The following DOP1A variants were observed in gnomAD, a reference collection of about 807,000 sequenced individuals.
DOP1A encodes the protein protein DOP1A.
DOP1A carries 90 observed loss-of-function variants against 267.6 expected under a neutral mutation model. The ratio of observed to expected loss-of-function variants is 0.34; its 90% confidence interval spans 0.28 to 0.40. The LOEUF (loss-of-function observed/expected upper bound fraction) is 0.40, where lower values mean the gene tolerates loss of function less well. Among genes scored for constraint, DOP1A ranks in the 10% least tolerant of loss-of-function variants. DOP1A has a pLI of 1.00. For missense variants in DOP1A, 2,437 were observed against 2,900.4 expected (o/e 0.84, Z 3.67); for synonymous variants, 932 against 999.1 (o/e 0.93, Z 1.27).
rs1292612604 is a variant in DOP1A at position 83,120,789 on chromosome 6, T to C, written c.1097T>C (p.Leu366Pro). The C allele has an allele frequency of 6.4e-7, 1 of 1,563,520 alleles. No homozygotes were observed. Among genetic ancestry groups the C allele is most frequent in the South Asian group, 1.2e-5 (1 of 83,748 alleles). Residue 366 changes from leucine to proline, a missense_variant and splice_region_variant, in exon 10 of 39, where the codon CTA becomes CCA. This residue lies in a region of DOP1A where 498 missense variants were observed against 513.5 expected (regional missense o/e 0.97). Coordinates refer to ENST00000349129, the MANE Select transcript of DOP1A (RefSeq NM_015018.4). ...ATCAGTTTACTGGACAAACCTGAGC[T>C]AGGTAATGTATACTGTCCTAGGGCA... ...ILISLLDKPE[L>P]GPVILEDVLI... is the part of the protein sequence containing the mutation.
At position 83,122,851 on chromosome 6, in the gene DOP1A, CTCTTT is replaced by C. The variant is rs760848239; in HGVS notation, c.1221-10_1221-6del. On this transcript the variant is annotated splice_polypyrimidine_tract_variant and splice_region_variant and intron_variant, in intron 11 of 38. Coordinates refer to ENST00000349129, the MANE Select transcript of DOP1A (RefSeq NM_015018.4). ...TATTTTTTAGTTTTTGTTTTCTTTT[CTCTTT>C]TTTCAGTAAATTAAGAGAAAATAAG... 6 of 1,442,960 alleles carry C rather than the reference CTCTTT, an allele frequency of 4.2e-6. No individual in the cohort carries two copies. The African/African-American group carries it at 7.5e-5, about 18-fold the overall frequency. 89.4% of individuals were successfully genotyped at this position (1,442,960 alleles called of 1,614,324 possible).
Position 83,167,948 on chromosome 6 carries a change from G to A in DOP1A, c.7179G>A (p.Met2393Ile). 6.2e-7 allele frequency: 1 copy of A among 1,614,160 alleles called. No individual in the cohort carries two copies. Among genetic ancestry groups the A allele is most frequent in the Non-Finnish European group, 8.5e-7 (1 of 1,180,026 alleles). The change falls in exon 39 of 39, where the codon ATG becomes ATA. Residue 2393 changes from methionine to isoleucine, a missense_variant. Around this residue, in one of 9 missense-constraint regions of DOP1A, gnomAD observed 197 missense variants for 246.5 expected, o/e 0.80. Transcript: ENST00000349129. ...LLLTICTVRS[M>I]EQLLPFFNVL... Reference sequence around the variant, plus strand: ...TCACCATCTGCACCGTGCGCAGTATGGAGCAGCTCCTGCCGTTCTTCAATG... The same window carrying A: ...TCACCATCTGCACCGTGCGCAGTATAGAGCAGCTCCTGCCGTTCTTCAATG...
rs575163219 is a variant in DOP1A at position 83,103,307 on chromosome 6, T to G, written c.320+2421T>G. Among the ~76,000 whole-genome samples the G allele has an allele frequency of 3.9e-5, 6 of 152,308 alleles. No homozygotes were observed. In the East Asian group the frequency reaches 1.2e-3, roughly 29 times the overall value. ...GCTATGAGGATGCAAAAGCATAGAA[T>G]GATACAGTGGACTTTGGGGACCCAG... On this transcript the variant is annotated intron_variant, in intron 4 of 38. Coordinates refer to ENST00000349129, the MANE Select transcript of DOP1A (RefSeq NM_015018.4).
intron 6 of DOP1A, 101 bp from the exon 7 acceptor site, chr6:83,113,222 C>A: frequency 2.6e-6 from 2 of 755,232 alleles, no homozygotes; most frequent in Non-Finnish European, 4.4e-6. Context: ...TGATTAGATC[C>A]TCAGAAGCAT....
intron 24 of DOP1A, among the ~76,000 whole-genome samples, 181 bp downstream of exon 24, chr6:83,142,227 A>C (rs541372109): frequency 6.6e-6 from 1 of 152,230 alleles, no homozygotes; most frequent in East Asian, 1.9e-4. Context: ...TTTGAGGTCA[A>C]GGCTAGGCAC....
intron 4 of DOP1A, among the ~76,000 whole-genome samples, chr6:83,102,881 T>G (rs1286283636): frequency 6.6e-6 from 1 of 152,134 alleles, no homozygotes; most frequent in African/African-American, 2.4e-5. Flanking sequence ...ATTATTCTTT[T>G]CCCCCCAGTT....
chr6:83,152,622 T>G (rs1781926945), intron 30 of DOP1A, among the ~76,000 whole-genome samples: 1 of 146,770 alleles, frequency 6.8e-6, no homozygotes, highest in Admixed American at 6.8e-5. Flanking sequence ...TTCTTTTTCT[T>G]TTTTTTTTTT....
At chr6:83,125,243 GTTATA>G (rs758812985) in intron 14 of DOP1A, 48 bp downstream of exon 14, 21 of 1,517,530 alleles carry the variant, frequency 1.4e-5, no homozygotes, top group South Asian at 1.2e-4. Context: ...ATTTACTTTT[GTTATA>G]TTATAATTTT....
At chr6:83,169,200 A>C (rs1390077992), downstream of DOP1A, 2 of 1,612,638 alleles carry the variant, frequency 1.2e-6, no homozygotes, top group East Asian at 2.2e-5. Flanking sequence ...AGACTTGTAA[A>C]AAGTCCAGTT....
At position 83,129,374 on chromosome 6, in the gene DOP1A, A is replaced by G; in HGVS notation, c.2207A>G (p.Lys736Arg). The G allele has an allele frequency of 6.2e-7, 1 of 1,611,688 alleles. No individual in the cohort carries two copies. The highest frequency in any genetic ancestry group is 2.2e-5 in the East Asian group (1 of 44,856). Residue 736 changes from lysine (K) to arginine (R), a missense_variant, in exon 16 of 39, where the codon AAA (lysine) becomes AGA (arginine). Physicochemically the swap from Lys to Arg is conservative, Grantham distance 26 (BLOSUM62 2). Transcript: ENST00000349129. ...GATGTAAAAGAGAAAAACATAAGTA[A>G]ACAAAAAACTTCTAAAGAATACCTG... ...QGDVKEKNIS[K>R]QKTSKEYLSA...
In DOP1A at chr6:83,151,982, C is replaced by T. The variant is rs1039431078; in HGVS notation, c.6004C>T (p.Pro2002Ser). The change falls in exon 29 of 39, where the codon CCC becomes TCC. Residue 2002 changes from proline to serine, a missense_variant. Physicochemically the swap from Pro to Ser is moderately conservative, Grantham distance 74. Around this residue, in one of 9 missense-constraint regions of DOP1A, gnomAD observed 216 missense variants for 283.3 expected, o/e 0.76. Coordinates refer to ENST00000349129, the MANE Select transcript of DOP1A (RefSeq NM_015018.4). ...LRRNLEVKPS[P>S]KIMVDGTNLE... ...ACGAAATCTTGAAGTTAAGCCTTCT[C>T]CCAAAATAATGGTAGATGGAACCAA... 1.2e-6 allele frequency: 2 copies of T among 1,613,722 alleles called. No individual in the cohort carries two copies. Among genetic ancestry groups the T allele is most frequent in the African/African-American group, 2.7e-5 (2 of 74,856 alleles).
chr6:83,127,620 C>A (rs1777399032), intron 15 of DOP1A, among the ~76,000 whole-genome samples: 1 of 152,038 alleles, frequency 6.6e-6, no homozygotes, highest in Non-Finnish European at 1.5e-5. Context: ...AGAGGAGAAA[C>A]AAAAACAGAT....
intron 3 of DOP1A, among the ~76,000 whole-genome samples, chr6:83,100,074 G>A (rs1468721913): frequency 6.6e-6 from 1 of 152,100 alleles, no homozygotes; most frequent in Non-Finnish European, 1.5e-5. Context: ...TGGTAAGATA[G>A]GGTCTCTGTA....
chr6:83,122,926 C>T lies in DOP1A; in HGVS notation c.1284C>T (p.Ser428=), dbSNP rs1216119643. Residue 428 remains serine, a synonymous_variant, in exon 12 of 39, where the codon TCC becomes TCT. Transcript: ENST00000349129. ...AAACTGCTAACCTTCTCTTTAATTC[C>T]TTCGAACCTTATTATATGTGGGATT... ...LIKTANLLFN[S]FEPYYMWDYV... 6.3e-7 allele frequency: 1 copy of T among 1,574,846 alleles called. No individual in the cohort carries two copies. Among genetic ancestry groups the T allele is most frequent in the Admixed American group, 1.9e-5 (1 of 52,902 alleles).
chr6:83,167,697 A>G, intron 38 of DOP1A, 165 bp from the exon 39 acceptor site: 2 of 1,387,102 alleles, frequency 1.4e-6, no homozygotes, highest in Admixed American at 6.6e-5. Flanking sequence ...AATGGCAGTA[A>G]AAGGTCTCAG....
chr6:83,072,026 TAA>T (rs1454902508), intron 1 of DOP1A, among the ~76,000 whole-genome samples: 2 of 152,168 alleles, frequency 1.3e-5, no homozygotes, highest in South Asian at 2.1e-4. Context: ...TCTCATCACT[TAA>T]GTTTTATATA....
downstream of DOP1A, chr6:83,169,273 C>T (rs1440528392): frequency 6.2e-7 from 1 of 1,613,906 alleles, no homozygotes; most frequent in African/African-American, 1.3e-5. Context: ...TTCCTCCAGC[C>T]AGCTGAAATA....
intron 7 of DOP1A, among the ~76,000 whole-genome samples, chr6:83,118,334 T>A (rs1032658257): frequency 6.6e-6 from 1 of 152,146 alleles, no homozygotes; most frequent in African/African-American, 2.4e-5. Flanking sequence ...AAGAAAAAAA[T>A]TATTTCTCTT....
In DOP1A at chr6:83,135,846, A is replaced by C. The variant is rs1347539596; in HGVS notation, c.3098A>C (p.Lys1033Thr). The C allele has an allele frequency of 6.2e-7, 1 of 1,613,644 alleles. No homozygotes were observed. The highest frequency in any genetic ancestry group is 1.3e-5 in the African/African-American group (1 of 75,036). The part of the protein sequence containing the change: ...SPCYPGEESD[K>T]HFMQNFACSN... ...TGTTATCCAGGAGAGGAGAGTGACAAGCATTTCATGCAAAATTTTGCCTGC... is the reference window on the plus strand; with the variant it reads ...TGTTATCCAGGAGAGGAGAGTGACACGCATTTCATGCAAAATTTTGCCTGC... The change falls in exon 20 of 39, where the codon AAG becomes ACG. Residue 1033 changes from lysine to threonine, a missense_variant. Around this residue, in one of 9 missense-constraint regions of DOP1A, gnomAD observed 878 missense variants for 992.9 expected, o/e 0.88. Transcript: ENST00000349129.
Sources: gnomAD v4.1 joint callset for allele counts (sites outside exome capture counted in the v4.1 genomes callset) on GRCh38, gnomAD v4.1.1 for gene constraint, gnomAD v4.1.1 regional missense constraint, MANE v1.5 for transcripts, NCBI Gene and HGNC (gene_info 2026-07-23, HGNC 2026-07-21) for gene names.